The following RORA variants were observed in gnomAD, a reference collection of about 807,000 sequenced individuals.
RORA encodes the protein RAR related orphan receptor A.
A neutral mutation model predicts 69.5 loss-of-function variants in RORA; 7 were observed. That is an observed-to-expected ratio of 0.10 (90% CI 0.06 to 0.19). RORA has a LOEUF of 0.19. RORA is among the 10% of genes least tolerant of loss of function. The pLI is 1.00. For missense variants in RORA, 457 were observed against 663.0 expected, an observed-to-expected ratio of 0.69 and a Z score of 3.41; for synonymous variants, 261 against 240.8, an observed-to-expected ratio of 1.08 and a Z score of -0.78.
chr15:60,606,457 T>G (rs980718998), intron 2 of RORA, among the ~76,000 whole-genome samples: 1 of 152,254 alleles, frequency 6.6e-6, no homozygotes, highest in African/African-American at 2.4e-5. Flanking sequence ...TGTTGTTGTT[T>G]TTTTTAAACC....
At chr15:61,153,526 A>G (rs936827441) in intron 1 of RORA, among the ~76,000 whole-genome samples, 1 of 152,028 alleles carries the variant, frequency 6.6e-6, no homozygotes, top group African/African-American at 2.4e-5. Flanking sequence ...TGCCAGAGAG[A>G]CTCAGTGGGT....
chr15:60,758,196 G>C (rs1276222081), intron 1 of RORA, among the ~76,000 whole-genome samples: 1 of 152,106 alleles, frequency 6.6e-6, no homozygotes, highest in Admixed American at 6.6e-5. Flanking sequence ...ACAATGCCTG[G>C]CACAGGGTGA....
chr15:60,571,937 G>A (rs2067894578), intron 2 of RORA, among the ~76,000 whole-genome samples: 1 of 152,114 alleles, frequency 6.6e-6, no homozygotes. Flanking sequence ...AGATGTCAGG[G>A]TGATTTATGT....
intron 1 of RORA, among the ~76,000 whole-genome samples, chr15:60,834,077 GC>G (rs2073083157): frequency 6.6e-6 from 1 of 152,178 alleles, no homozygotes; most frequent in Non-Finnish European, 1.5e-5. Context: ...GTGAATGACA[GC>G]CCCATAAATC....
chr15:60,709,073 T>G (rs887427238), intron 1 of RORA, among the ~76,000 whole-genome samples: 10 of 152,184 alleles, frequency 6.6e-5, no homozygotes, highest in African/African-American at 2.4e-4. Context: ...CAGGAAACCA[T>G]TGATTTTCCA....
At chr15:61,039,021 C>G (rs1039813191) in intron 1 of RORA, 6 of 152,172 alleles carry the variant, frequency 3.9e-5, no homozygotes, top group African/African-American at 1.4e-4. Flanking sequence ...GAGCCCCAAG[C>G]CTGTGGGAGA....
At chr15:61,091,908 T>C (rs1176127686) in intron 1 of RORA, among the ~76,000 whole-genome samples, 3 of 152,240 alleles carry the variant, frequency 2.0e-5, no homozygotes, top group African/African-American at 7.2e-5. Flanking sequence ...GTTTCTACAA[T>C]GGCATATGTT....
intron 1 of RORA, among the ~76,000 whole-genome samples, chr15:60,745,395 C>T (rs2071633159): frequency 6.6e-6 from 1 of 152,256 alleles, no homozygotes; most frequent in African/African-American, 2.4e-5. Flanking sequence ...TAGCTACCTG[C>T]TGCCTCAGAA....
intron 1 of RORA, among the ~76,000 whole-genome samples, chr15:61,183,665 G>T (rs1021122374): frequency 7.9e-5 from 12 of 151,950 alleles, no homozygotes; most frequent in African/African-American, 2.9e-4. Context: ...GTTTGCACTA[G>T]TTCTTCTTAT....
At chr15:61,035,415 C>T (rs1442660869) in intron 1 of RORA, among the ~76,000 whole-genome samples, 1 of 152,096 alleles carries the variant, frequency 6.6e-6, no homozygotes, top group African/African-American at 2.4e-5. Context: ...CAATAAAGAA[C>T]TAAGCGGCAG....
Position 60,976,468 on chromosome 15 carries a change from TC to T in RORA, c.166+252584del, listed in dbSNP as rs953704173. Among the ~76,000 whole-genome samples, 8 of 152,226 alleles carry T rather than the reference TC, an allele frequency of 5.3e-5. No individual in the cohort carries two copies. The South Asian group carries it at 6.2e-4, about 12-fold the overall frequency. On this transcript the variant is annotated intron_variant, in intron 1 of 10. Transcript: ENST00000335670. ...CAGAATACAGCATACTGAAGATGGA[TC>T]CTTCTAGACCCACTCCTTCTGCTTG...
rs145694036 is a variant in RORA at position 60,843,733 on chromosome 15, C to T, written c.167-165047G>A. On this transcript the variant is annotated intron_variant, in intron 1 of 10. Coordinates refer to ENST00000335670, the MANE Select transcript of RORA (RefSeq NM_134261.3). ...GGCTGAGTCAGAACCAGGGACAGAA[C>T]GGCTGGCACAGCCCTGTCTTGCTGG... Among the ~76,000 whole-genome samples, 453 of 152,284 alleles carry T rather than the reference C, an allele frequency of 3.0e-3. 2 individuals are homozygous for T. The highest frequency in any genetic ancestry group is 0.01 in the African/African-American group (432 of 41,554).
chr15:60,969,872 T>A (rs76001370), intron 1 of RORA, among the ~76,000 whole-genome samples: 4,372 of 152,302 alleles, frequency 0.029, 200 homozygotes, highest in African/African-American at 0.1. Context: ...ATTGTGGCTG[T>A]ATTTACTCAT....
At chr15:60,676,303 C>T (rs1158258775) in intron 2 of RORA, among the ~76,000 whole-genome samples, 1 of 152,172 alleles carries the variant, frequency 6.6e-6, no homozygotes, top group Admixed American at 6.5e-5. Flanking sequence ...AGCTGGGTGA[C>T]AAAAACAATC....
intron 1 of RORA, among the ~76,000 whole-genome samples, chr15:60,756,192 T>A (rs1354232172): frequency 6.6e-6 from 1 of 152,236 alleles, no homozygotes; most frequent in Non-Finnish European, 1.5e-5. Flanking sequence ...AATAATTACA[T>A]ATGGTTTTCA....
At chr15:60,943,991 A>G (rs935703340) in intron 1 of RORA, among the ~76,000 whole-genome samples, 12 of 151,538 alleles carry the variant, frequency 7.9e-5, no homozygotes, top group Non-Finnish European at 1.8e-4. Flanking sequence ...GAGCATAAAT[A>G]TATCACTTCT....
chr15:61,138,713 G>C (rs1448234483), intron 1 of RORA, among the ~76,000 whole-genome samples: 2 of 151,784 alleles, frequency 1.3e-5, no homozygotes, highest in Admixed American at 6.6e-5. Flanking sequence ...TGTGCCCCTC[G>C]GGACATCAAG....
intron 1 of RORA, among the ~76,000 whole-genome samples, chr15:61,027,907 C>T (rs2140432928): frequency 6.6e-6 from 1 of 152,276 alleles, no homozygotes; most frequent in East Asian, 1.9e-4. Context: ...AAACCTAAAG[C>T]CCATAGCACT....
intron 2 of RORA, among the ~76,000 whole-genome samples, chr15:60,634,955 C>G (rs1478562955): frequency 6.6e-6 from 1 of 152,202 alleles, no homozygotes; most frequent in African/African-American, 2.4e-5. Context: ...TAGTGAACTT[C>G]TTGCTGTTTC....
Sources: gnomAD v4.1 joint callset for allele counts (sites outside exome capture counted in the v4.1 genomes callset) on GRCh38, gnomAD v4.1.1 for gene constraint, MANE v1.5 for transcripts, NCBI Gene and HGNC (gene_info 2026-07-23, HGNC 2026-07-21) for gene names.